Variants in SERPINA11 observed in about 807,000 individuals in gnomAD.
The protein encoded by SERPINA11 is serpin A11.
A neutral mutation model predicts 29.4 loss-of-function variants in SERPINA11; 28 were observed. The ratio of observed to expected loss-of-function variants is 0.95; its 90% CI spans 0.70 to 1.30. SERPINA11 has a LOEUF of 1.30. SERPINA11 is among the 50% of genes most tolerant of loss of function. The pLI is 0.00. For missense variants in SERPINA11, 530 were observed against 507.3 expected (o/e 1.04, Z -0.43); for synonymous variants, 253 against 206.6 (o/e 1.22, Z -1.92).
At chr14:94,446,208 T>C in intron 3 of SERPINA11, 123 bp downstream of exon 3, 1 of 942,982 alleles carries the variant, frequency 1.1e-6, no homozygotes, top group Non-Finnish European at 1.6e-6. Flanking sequence ...ATCACACAGT[T>C]AGTAAAGGAC....
chr14:94,442,678 G>C lies in SERPINA11; in HGVS notation c.1197C>G (p.Leu399=). The C allele has an allele frequency of 1.9e-6, 3 of 1,613,220 alleles. No homozygotes were observed. Among genetic ancestry groups the C allele is most frequent in the Non-Finnish European group, 2.5e-6 (3 of 1,179,676 alleles). Residue 399 remains leucine (L), a synonymous_variant, in exon 5 of 5, where the codon CTC becomes CTG. Transcript: ENST00000334708. The part of the protein sequence containing the change: ...DPHAHFNRPF[L]LLLWEVTTQS... ...GGGTGGTGACCTCCCAAAGGAGCAA[G>C]AGGAAAGGCCTGTTGAAGTGGGCAT... is the stretch of plus-strand genomic sequence containing the variant.
At chr14:94,447,028 A>G (rs781172081) in intron 2 of SERPINA11, among the ~76,000 whole-genome samples, 12 of 152,216 alleles carry the variant, frequency 7.9e-5, no homozygotes, top group Admixed American at 5.9e-4. Flanking sequence ...AGCAGCTCAG[A>G]TTGCTTGCAA....
chr14:94,452,251 A>G (rs1898600012), intron 1 of SERPINA11, among the ~76,000 whole-genome samples: 2 of 152,184 alleles, frequency 1.3e-5, no homozygotes, highest in African/African-American at 4.8e-5. Flanking sequence ...CACAGGGATT[A>G]TTAGCCCTAC....
At chr14:94,442,835 A>T in intron 4 of SERPINA11, 26 bp from the exon 5 acceptor site, 1 of 1,567,044 alleles carries the variant, frequency 6.4e-7, no homozygotes, top group Non-Finnish European at 8.7e-7. Context: ...AGATGAAGAC[A>T]GCATCAGTTT....
intron 1 of SERPINA11, among the ~76,000 whole-genome samples, 185 bp downstream of exon 1, chr14:94,452,544 G>C (rs1229881805): frequency 2.0e-5 from 3 of 146,796 alleles, no homozygotes; most frequent in African/African-American, 7.6e-5. Flanking sequence ...GGAGTACATG[G>C]TTGCATTTCT....
intron 3 of SERPINA11, among the ~76,000 whole-genome samples, chr14:94,443,953 G>A (rs1433940353): frequency 6.6e-6 from 1 of 152,188 alleles, no homozygotes; most frequent in Non-Finnish European, 1.5e-5. Context: ...TGGTTTGACA[G>A]CTACCCAGGC....
chr14:94,445,328 C>T (rs1190722227), intron 3 of SERPINA11, among the ~76,000 whole-genome samples: 1 of 152,130 alleles, frequency 6.6e-6, no homozygotes, highest in Non-Finnish European at 1.5e-5. Flanking sequence ...CAGATTTCAT[C>T]TCAGAGTACC....
intron 1 of SERPINA11, among the ~76,000 whole-genome samples, chr14:94,449,471 TTCTTTCTTTCTGTCTG>T (rs1336562549): frequency 4.8e-4 from 52 of 108,666 alleles, no homozygotes; most frequent in African/African-American, 1.8e-3. Context: ...CTTTCTTTCT[TTCTTTCTTTCTGTCTG>T]TCTGTCTTTC....
At position 94,448,146 on chromosome 14, in the gene SERPINA11, TA is replaced by T; in HGVS notation, c.628del (p.Tyr210ThrfsTer35). 1.2e-6 allele frequency: 2 copies of T among 1,613,312 alleles called. No homozygotes were observed. The highest frequency in any genetic ancestry group is 1.7e-6 in the Non-Finnish European group (2 of 1,179,370). ...SQDTFMVLAN[Y>X]IFFKAKWKHP... ...GCAAGCCTCACCTTTGAAGAAGATG[TA>T]ATTGGCAAGAACCATGAACGTGTCC... On this transcript the variant is annotated frameshift_variant, in exon 2 of 5. Coordinates refer to ENST00000334708, the MANE Select transcript of SERPINA11 (RefSeq NM_001080451.2). LOFTEE classifies it high-confidence loss of function.
chr14:94,450,787 G>A lies in SERPINA11; in HGVS notation c.-4+1942C>T, dbSNP rs188761385. Among the ~76,000 whole-genome samples, 6 of 152,300 alleles carry A rather than the reference G, an allele frequency of 3.9e-5. No homozygotes were observed. The East Asian group carries it at 1.2e-3, about 29-fold the overall frequency. ...CCCTTGTTTTAGGGCTGGGAATGCAGCCTGAGCTGGAGGGGGAACTGCAGT... is the reference window on the plus strand; with the variant it reads ...CCCTTGTTTTAGGGCTGGGAATGCAACCTGAGCTGGAGGGGGAACTGCAGT... On this transcript the variant is annotated intron_variant, in intron 1 of 4. Coordinates refer to ENST00000334708, the MANE Select transcript of SERPINA11 (RefSeq NM_001080451.2).
At chr14:94,452,678 T>C (rs1372250153) in intron 1 of SERPINA11, 51 bp downstream of exon 1, 1 of 109,220 alleles carries the variant, frequency 9.2e-6, no homozygotes, top group Non-Finnish European at 1.9e-5. Context: ...GAGAAGGGAG[T>C]GAGGCAGTTT....
chr14:94,450,827 C>T (rs1202588662), intron 1 of SERPINA11, among the ~76,000 whole-genome samples: 1 of 152,160 alleles, frequency 6.6e-6, no homozygotes, highest in Admixed American at 6.5e-5. Flanking sequence ...ACAGGGTTGT[C>T]TCTACTCACC....
rs1566783366 is a variant in SERPINA11, at chr14:94,446,492, T to A, written c.756A>T (p.Arg252Ser). The A allele has an allele frequency of 1.2e-6, 2 of 1,614,214 alleles. No individual in the cohort carries two copies. The highest frequency in any genetic ancestry group is 1.7e-6 in the Non-Finnish European group (2 of 1,180,028). Residue 252 changes from arginine (R) to serine (S), a missense_variant, in exon 3 of 5, where the codon AGA becomes AGT. By Grantham distance (110) the Arg-to-Ser change is moderately radical. Coordinates refer to ENST00000334708, the MANE Select transcript of SERPINA11 (RefSeq NM_001080451.2). The part of the protein sequence containing the change: ...VPMMHQKEMH[R>S]FLYDQDLACT... ...AAGCCAAATCCTGGTCATAGAGGAA[T>A]CTGTGCATTTCCTTTTGGTGCATCA... is the stretch of plus-strand genomic sequence containing the variant.
intron 3 of SERPINA11, 31 bp from the exon 4 acceptor site, chr14:94,443,256 C>A: frequency 6.2e-7 from 1 of 1,600,664 alleles, no homozygotes; most frequent in Non-Finnish European, 8.5e-7. Context: ...AGAAATGGTG[C>A]TCTCTTGTTA....
chr14:94,451,218 T>C (rs1566785352), intron 1 of SERPINA11, among the ~76,000 whole-genome samples: 1 of 152,242 alleles, frequency 6.6e-6, no homozygotes, highest in Non-Finnish European at 1.5e-5. Context: ...GTGCCCTAAG[T>C]AGCCTGCCAA....
rs758697884 is a variant in SERPINA11, at chr14:94,443,042, C to T, written c.1065+36G>A. On this transcript the variant is annotated intron_variant, in intron 4 of 4. Coordinates refer to ENST00000334708, the MANE Select transcript of SERPINA11 (RefSeq NM_001080451.2). ...CAAAGGAGAAACCTCCTACCTACCC[C>T]CACCTGCCCACAAACATCCATGTTC... is the stretch of plus-strand genomic sequence containing the variant. 86 of 1,585,798 alleles carry T rather than the reference C, an allele frequency of 5.4e-5. No homozygotes were observed. The Middle Eastern group carries it at 1.6e-3, about 30-fold the overall frequency.
chr14:94,446,184 A>G (rs1263391166), intron 3 of SERPINA11, 147 bp downstream of exon 3: 7 of 785,364 alleles, frequency 8.9e-6, no homozygotes, highest in Admixed American at 2.4e-5. Flanking sequence ...AAAAAAGGTG[A>G]GAAAATTGCC....
chr14:94,442,813 G>T lies in SERPINA11; in HGVS notation c.1066-4C>A. The T allele has an allele frequency of 6.3e-7, 1 of 1,593,232 alleles. No individual in the cohort carries two copies. Among genetic ancestry groups the T allele is most frequent in the South Asian group, 1.1e-5 (1 of 87,732 alleles). On this transcript the variant is annotated splice_region_variant and splice_polypyrimidine_tract_variant and intron_variant, in intron 4 of 4. Transcript: ENST00000334708. ...CCACCATCGCCTTGTGTGACACCTA[G>T]AGGACAAGAGGAGATGAAGACAGCA...
At chr14:94,446,764 T>A (rs1292839393) in intron 2 of SERPINA11, among the ~76,000 whole-genome samples, 160 bp from the exon 3 acceptor site, 2 of 152,186 alleles carry the variant, frequency 1.3e-5, no homozygotes, top group Non-Finnish European at 2.9e-5. Context: ...CCTGGCTCAG[T>A]CTCTAGGACA....
Sources: gnomAD v4.1 joint callset for allele counts (sites outside exome capture counted in the v4.1 genomes callset) on GRCh38, gnomAD v4.1.1 for gene constraint, MANE v1.5 for transcripts, NCBI Gene and HGNC (gene_info 2026-07-23, HGNC 2026-07-21) for gene names.